The following CYP3A43 variants were observed in gnomAD, a reference collection of about 807,000 sequenced individuals.
CYP3A43 encodes the protein cytochrome P450 family 3 subfamily A member 43.
A neutral mutation model predicts 58.0 loss-of-function variants in CYP3A43; 45 were observed. That is an observed-to-expected ratio of 0.78 (90% CI 0.61 to 0.99). The LOEUF (loss-of-function observed/expected upper bound fraction) is 0.99. Among genes scored for constraint, CYP3A43 ranks in the 50% least tolerant of loss-of-function variants. The pLI is 0.00. For synonymous variants in CYP3A43, 191 were observed against 201.4 expected (o/e 0.95, Z 0.44); for missense variants, 593 against 591.9 (o/e 1.00, Z -0.02).
chr7:99,848,496 T>C (rs936465296), intron 6 of CYP3A43, among the ~76,000 whole-genome samples: 1 of 152,188 alleles, frequency 6.6e-6, no homozygotes, highest in African/African-American at 2.4e-5. Context: ...CATTGTCCCC[T>C]TGGATATTCC....
At chr7:99,838,612 A>C (rs996335445) in intron 2 of CYP3A43, 16 of 1,243,076 alleles carry the variant, frequency 1.3e-5, no homozygotes, top group Non-Finnish European at 1.5e-5. Flanking sequence ...GTTAGAGAAA[A>C]TTTAAAAGTG....
chr7:99,859,647 G>A (rs1034516251), intron 9 of CYP3A43, among the ~76,000 whole-genome samples, 183 bp from the exon 10 acceptor site: 2 of 152,160 alleles, frequency 1.3e-5, no homozygotes, highest in Admixed American at 6.5e-5. Context: ...GGATTAAAGT[G>A]ACTTTGCCTT....
chr7:99,848,062 G>C lies in CYP3A43; in HGVS notation c.433-104G>C. The C allele has an allele frequency of 4.5e-6, 5 of 1,119,700 alleles. No individual in the cohort carries two copies. The South Asian group carries it at 6.8e-5, about 15-fold the overall frequency. 69.4% of individuals were successfully genotyped at this position (1,119,700 alleles called of 1,614,324 possible). On this transcript the variant is annotated intron_variant, in intron 5 of 12. Coordinates refer to ENST00000354829, the MANE Select transcript of CYP3A43 (RefSeq NM_057095.3). ...TTTCTATTTATGTCCTAGAGGACAT[G>C]GTGAGTCATTACAAAATATCATTTA...
chr7:99,862,348 A>G (rs1418848456), intron 11 of CYP3A43, among the ~76,000 whole-genome samples: 3 of 152,064 alleles, frequency 2.0e-5, no homozygotes, highest in African/African-American at 7.3e-5. Flanking sequence ...TGTTTTCCGT[A>G]ATGTAACTGT....
chr7:99,836,778 C>G (rs1259046649), intron 2 of CYP3A43, among the ~76,000 whole-genome samples: 1 of 152,128 alleles, frequency 6.6e-6, no homozygotes, highest in African/African-American at 2.4e-5. Flanking sequence ...GGGATCAGCA[C>G]TCGATGTTCA....
chr7:99,846,218 A>G (rs962174811), intron 4 of CYP3A43, among the ~76,000 whole-genome samples: 1 of 152,230 alleles, frequency 6.6e-6, no homozygotes, highest in African/African-American at 2.4e-5. Context: ...CTTTCAAAAC[A>G]TGAACATAGT....
intron 3 of CYP3A43, among the ~76,000 whole-genome samples, chr7:99,842,785 G>C (rs991172955): frequency 2.0e-5 from 3 of 152,146 alleles, no homozygotes; most frequent in African/African-American, 7.2e-5. Flanking sequence ...TTCCCAAAAT[G>C]ATAGAAGGCC....
At chr7:99,843,794 A>C (rs1288082335) in intron 3 of CYP3A43, among the ~76,000 whole-genome samples, 1 of 152,216 alleles carries the variant, frequency 6.6e-6, no homozygotes, top group East Asian at 1.9e-4. Flanking sequence ...AACATACAAA[A>C]GATTATGGAG....
chr7:99,860,882 A>AT (rs34710117), intron 10 of CYP3A43, among the ~76,000 whole-genome samples: 21,155 of 148,622 alleles, frequency 0.14, 2,940 homozygotes, highest in African/African-American at 0.36. Context: ...TACTCTCCAC[A>AT]TTTTTTTTTT....
At chr7:99,859,036 C>G (rs1818113559) in intron 9 of CYP3A43, among the ~76,000 whole-genome samples, 1 of 149,964 alleles carries the variant, frequency 6.7e-6, no homozygotes, top group African/African-American at 2.5e-5. Context: ...AGTCAATCAC[C>G]TCACTTCTAG....
At chr7:99,858,940 T>A (rs1818108872) in intron 9 of CYP3A43, among the ~76,000 whole-genome samples, 1 of 151,938 alleles carries the variant, frequency 6.6e-6, no homozygotes, top group Admixed American at 6.6e-5. Context: ...TCAATGATCC[T>A]CCTGTGTCAG....
chr7:99,838,523 C>A (rs1254285506), intron 2 of CYP3A43, among the ~76,000 whole-genome samples: 2 of 152,166 alleles, frequency 1.3e-5, no homozygotes, highest in Non-Finnish European at 2.9e-5. Context: ...ACAACATATG[C>A]AGAAATGAAA....
Position 99,828,089 on chromosome 7 carries a change from A to T in CYP3A43, c.-27A>T. On this transcript the variant is annotated 5_prime_UTR_variant, in exon 1 of 13. The change creates a new upstream start codon in the 5' untranslated region. Coordinates refer to ENST00000354829, the MANE Select transcript of CYP3A43 (RefSeq NM_057095.3). ...CACACAGCTGAAAGAAAAACTCAGAAGACAGAGCTGAAAAAGAAAACTGGT... is the reference window on the plus strand; with the variant it reads ...CACACAGCTGAAAGAAAAACTCAGATGACAGAGCTGAAAAAGAAAACTGGT... 3.7e-6 allele frequency: 6 copies of T among 1,608,876 alleles called. No homozygotes were observed. The highest frequency in any genetic ancestry group is 5.1e-6 in the Non-Finnish European group (6 of 1,176,090).
chr7:99,841,193 C>T (rs965731360), intron 3 of CYP3A43, among the ~76,000 whole-genome samples: 2 of 152,076 alleles, frequency 1.3e-5, no homozygotes, highest in Admixed American at 6.6e-5. Context: ...TATAACTTCC[C>T]CTTATGCTTG....
intron 2 of CYP3A43, chr7:99,838,662 C>G (rs1366945272): frequency 7.8e-7 from 1 of 1,287,884 alleles, no homozygotes; most frequent in Non-Finnish European, 1.0e-6. Flanking sequence ...TGTATTTTCT[C>G]TCCTTTTCCT....
At chr7:99,855,184 T>C (rs1422612734) in intron 7 of CYP3A43, among the ~76,000 whole-genome samples, 5 of 152,218 alleles carry the variant, frequency 3.3e-5, no homozygotes, top group Admixed American at 2.6e-4. Flanking sequence ...TTTCATTCCA[T>C]GGTAGTTGAA....
intron 7 of CYP3A43, among the ~76,000 whole-genome samples, chr7:99,851,516 G>A (rs1268307496): frequency 6.6e-6 from 1 of 152,134 alleles, no homozygotes; most frequent in Non-Finnish European, 1.5e-5. Context: ...GTCTCATCGT[G>A]ATTTTGATTT....
At chr7:99,836,010 G>A (rs575410299) in intron 1 of CYP3A43, among the ~76,000 whole-genome samples, 3 of 152,258 alleles carry the variant, frequency 2.0e-5, no homozygotes, top group South Asian at 4.2e-4. Context: ...GTCAGCTTCC[G>A]AGATGTAACT....
chr7:99,849,741 A>C, intron 7 of CYP3A43, 47 bp downstream of exon 7: 1 of 1,496,304 alleles, frequency 6.7e-7, no homozygotes, highest in African/African-American at 1.4e-5. Flanking sequence ...TCTCTCATCT[A>C]ATTTTTAAAA....
Sources: allele counts gnomAD v4.1 joint callset (sites outside exome capture counted in the v4.1 genomes callset), GRCh38; gene constraint gnomAD v4.1.1; transcripts MANE v1.5; gene names NCBI Gene and HGNC (gene_info 2026-07-23, HGNC 2026-07-21).